PACSIN2: variants seen among roughly 807,000 people sequenced by gnomAD.
The protein encoded by PACSIN2 is protein kinase C and casein kinase substrate in neurons protein 2.
A neutral mutation model predicts 63.8 loss-of-function variants in PACSIN2; 25 were observed. The observed-to-expected ratio is 0.39, with a 90% CI of 0.29 to 0.55. The LOEUF (loss-of-function observed/expected upper bound fraction) is 0.55, where lower values mean the gene tolerates loss of function less well. PACSIN2 is among the 20% of genes least tolerant of loss of function. The probability of loss-of-function intolerance (pLI) is 0.62; values close to 1 mark genes in which losing one functional copy is unlikely to be tolerated. For synonymous variants in PACSIN2, 255 were observed against 256.2 expected, an observed-to-expected ratio of 1.00 and a Z score of 0.05; for missense variants, 518 against 646.9, an observed-to-expected ratio of 0.80 and a Z score of 2.16.
intron 1 of PACSIN2, among the ~76,000 whole-genome samples, chr22:43,008,015 C>CA (rs1924207133): frequency 6.6e-6 from 1 of 152,192 alleles, no homozygotes; most frequent in African/African-American, 2.4e-5. Flanking sequence ...GCAACTCTAT[C>CA]AATAGTCACA....
chr22:42,916,889 A>C (rs933410505), intron 1 of PACSIN2, among the ~76,000 whole-genome samples: 3 of 152,242 alleles, frequency 2.0e-5, no homozygotes, highest in African/African-American at 7.2e-5. Context: ...AGCCACCCGA[A>C]GGTACTCGGA....
rs1356010342 is a variant in PACSIN2, at chr22:42,973,736, CCA to C, written c.-78+41283_-78+41284del. Among the ~76,000 whole-genome samples the C allele has an allele frequency of 8.5e-5, 13 of 152,260 alleles. 1 individual carries two copies. The highest frequency in any genetic ancestry group is 8.5e-4 in the Admixed American group (13 of 15,286). Reference sequence around the variant, plus strand: ...GACACAGAAACAGGCCTGCTACACTCCAGTCTTAGGCCTGGGCCCATCCTCCA... The same window carrying C: ...GACACAGAAACAGGCCTGCTACACTCGTCTTAGGCCTGGGCCCATCCTCCA... On this transcript the variant is annotated intron_variant, in intron 1 of 10. Transcript: ENST00000263246.
Position 42,871,084 on chromosome 22 carries a change from A to C in PACSIN2, c.*273T>G. On this transcript the variant is annotated 3_prime_UTR_variant, in exon 11 of 11. Coordinates refer to ENST00000263246, the MANE Select transcript of PACSIN2 (RefSeq NM_001184970.3). The surrounding 1 kb of genome is among the most constrained non-coding windows in gnomAD (Gnocchi z 5.4). ...AAAGGAGAGACAAAGTCAAGAACAT[A>C]GAGATCTATGATAGGCCAACAGGCA... 3 of 472,448 alleles carry C rather than the reference A, an allele frequency of 6.3e-6. No homozygotes were observed. Among genetic ancestry groups the C allele is most frequent in the African/African-American group, 1.9e-5 (1 of 51,608 alleles). 29.3% of individuals were successfully genotyped at this position (472,448 alleles called of 1,614,324 possible).
Position 42,876,939 on chromosome 22 carries a change from T to A in PACSIN2, c.1100A>T (p.Glu367Val). The A allele has an allele frequency of 1.2e-6, 2 of 1,614,168 alleles. No homozygotes were observed. Among genetic ancestry groups the A allele is most frequent in the Non-Finnish European group, 1.7e-6 (2 of 1,180,014 alleles). ...ACTGACGGTGCTGCCCGTGTCGTCC[T>A]CATCCTCGAAGGGGTTGTAGCTGGA... ...SQSSYNPFED[E>V]DDTGSTVSEK... is the part of the protein sequence containing the mutation. The change falls in exon 9 of 11, where the codon GAG (glutamate) becomes GTG (valine). Residue 367 changes from glutamate to valine, a missense_variant. This residue lies in a region of PACSIN2 where 507 missense variants were observed against 612.3 expected (regional missense o/e 0.83). Transcript: ENST00000263246.
chr22:42,876,120 TG>T lies in PACSIN2; in HGVS notation c.1348+16del. ...TTGGAAGCCCTCCTCCCCTGGATGC[TG>T]GGGGAGCCCACCTACCAGCCTTGAA... On this transcript the variant is annotated intron_variant, in intron 10 of 10. Transcript: ENST00000263246. 1 of 1,599,622 alleles carries T rather than the reference TG, an allele frequency of 6.3e-7. No individual in the cohort carries two copies. The highest frequency in any genetic ancestry group is 8.6e-7 in the Non-Finnish European group (1 of 1,167,970).
At chr22:42,974,188 G>A (rs757786886) in intron 1 of PACSIN2, among the ~76,000 whole-genome samples, 4 of 152,234 alleles carry the variant, frequency 2.6e-5, no homozygotes, top group East Asian at 1.9e-4. Flanking sequence ...CTCTGCTTCC[G>A]GTTATCCGCC....
chr22:43,000,146 G>A (rs990777467), intron 1 of PACSIN2, among the ~76,000 whole-genome samples: 2 of 152,160 alleles, frequency 1.3e-5, no homozygotes, highest in African/African-American at 2.4e-5. Flanking sequence ...GGACGGGGCC[G>A]GCCCAAGACC....
intron 1 of PACSIN2, among the ~76,000 whole-genome samples, chr22:42,914,772 C>T (rs1931702575): frequency 6.6e-6 from 1 of 152,222 alleles, no homozygotes; most frequent in Non-Finnish European, 1.5e-5. Flanking sequence ...GGCAGCTTGA[C>T]ACCTGAGCCA....
chr22:42,970,562 GCA>G (rs1416958652), intron 1 of PACSIN2, among the ~76,000 whole-genome samples: 1 of 152,150 alleles, frequency 6.6e-6, no homozygotes, highest in Non-Finnish European at 1.5e-5. Context: ...CAACTTTTCT[GCA>G]CATATAGAAT....
rs1310185872 is a variant in PACSIN2, at chr22:42,877,020, G to A, written c.1029-10C>T. The A allele has an allele frequency of 1.9e-6, 3 of 1,613,832 alleles. No individual in the cohort carries two copies. The highest frequency in any genetic ancestry group is 2.5e-6 in the Non-Finnish European group (3 of 1,179,884). ...CGGGACATTAAGGGTGCTATGGAGA[G>A]AGAGAGCTTTCAGGGGATCCCAGCT... is the stretch of plus-strand genomic sequence containing the variant. On this transcript the variant is annotated splice_polypyrimidine_tract_variant and intron_variant, in intron 8 of 10. Transcript: ENST00000263246.
chr22:42,942,673 C>G (rs924534846), intron 1 of PACSIN2, among the ~76,000 whole-genome samples: 2 of 152,108 alleles, frequency 1.3e-5, no homozygotes, highest in African/African-American at 4.8e-5. Context: ...TTTTTCTTTC[C>G]CCCATTGAAC....
intron 1 of PACSIN2, among the ~76,000 whole-genome samples, chr22:42,935,200 T>C (rs959848303): frequency 5.9e-5 from 9 of 151,912 alleles, no homozygotes; most frequent in African/African-American, 2.2e-4. Flanking sequence ...GCTGGGATTA[T>C]AGGCGTGAGC....
intron 1 of PACSIN2, among the ~76,000 whole-genome samples, chr22:42,992,568 GGA>G (rs1923114105): frequency 6.6e-6 from 1 of 152,098 alleles, no homozygotes; most frequent in Non-Finnish European, 1.5e-5. Context: ...GGCAACATAG[GGA>G]GACTCTGTCT....
At chr22:42,883,622 C>T (rs1238607558) in intron 6 of PACSIN2, among the ~76,000 whole-genome samples, 1 of 152,240 alleles carries the variant, frequency 6.6e-6, no homozygotes, top group Admixed American at 6.5e-5. Flanking sequence ...AGCCACTAAG[C>T]AGTCACCTGA....
At chr22:42,987,938 C>T (rs1040359550) in intron 1 of PACSIN2, among the ~76,000 whole-genome samples, 1 of 151,872 alleles carries the variant, frequency 6.6e-6, no homozygotes, top group Non-Finnish European at 1.5e-5. Context: ...GTCAGGAGTT[C>T]AAGACCAGCC....
intron 2 of PACSIN2, among the ~76,000 whole-genome samples, chr22:42,897,155 T>A (rs1930349445): frequency 6.6e-6 from 1 of 152,186 alleles, no homozygotes. Flanking sequence ...TAGGCTGGTC[T>A]TGAATTCCTG....
At chr22:42,985,350 G>T (rs1922530410) in intron 1 of PACSIN2, among the ~76,000 whole-genome samples, 1 of 152,192 alleles carries the variant, frequency 6.6e-6, no homozygotes, top group African/African-American at 2.4e-5. Flanking sequence ...CACCTCTCTG[G>T]ATGGGGTGCT....
chr22:42,901,099 C>A (rs758498028), intron 2 of PACSIN2, among the ~76,000 whole-genome samples: 1 of 152,138 alleles, frequency 6.6e-6, no homozygotes, highest in African/African-American at 2.4e-5. Flanking sequence ...CTGATTTTAA[C>A]CTCAGGATGA....
chr22:42,893,350 A>G (rs1272557440), intron 3 of PACSIN2, 107 bp downstream of exon 3: 34 of 1,208,432 alleles, frequency 2.8e-5, no homozygotes, highest in Non-Finnish European at 3.6e-5. Flanking sequence ...TCTTGCCCCA[A>G]TCTTAAAAGA....
Sources: gnomAD v4.1 joint callset for allele counts (sites outside exome capture counted in the v4.1 genomes callset) on GRCh38, gnomAD v4.1.1 for gene constraint, gnomAD v4.1.1 regional missense constraint, Gnocchi (gnomAD v3.1) non-coding constraint, MANE v1.5 for transcripts, NCBI Gene and HGNC (gene_info 2026-07-23, HGNC 2026-07-21) for gene names.